Variants in TMEM242 observed in about 807,000 individuals in gnomAD.
The protein encoded by TMEM242 is UPF0463 transmembrane protein C6orf35.
In TMEM242, 10 loss-of-function variants were observed where a neutral mutation model predicts 18.2. The observed-to-expected ratio is 0.55, with a 90% CI of 0.34 to 0.93. TMEM242 has a LOEUF of 0.93. Among genes scored for constraint, TMEM242 ranks in the 40% least tolerant of loss-of-function variants. The probability of loss-of-function intolerance (pLI) is 0.02; values close to 1 mark genes in which losing one functional copy is unlikely to be tolerated. For missense variants in TMEM242, 186 were observed against 175.5 expected, an observed-to-expected ratio of 1.06 and a Z score of -0.34; for synonymous variants, 57 against 69.9, an observed-to-expected ratio of 0.81 and a Z score of 0.92.
intron 3 of TMEM242, among the ~76,000 whole-genome samples, chr6:157,294,905 T>G (rs587599461): frequency 6.6e-6 from 1 of 152,180 alleles, no homozygotes; most frequent in Non-Finnish European, 1.5e-5. Context: ...TTTCCACATA[T>G]GTAGAATGGA....
intron 3 of TMEM242, among the ~76,000 whole-genome samples, chr6:157,297,209 C>A (rs1412889683): frequency 6.6e-6 from 1 of 152,190 alleles, no homozygotes; most frequent in East Asian, 1.9e-4. Flanking sequence ...GTGCTCAGTG[C>A]CATGGCTGGT....
At chr6:157,313,342 C>G (rs1583571570) in intron 3 of TMEM242, among the ~76,000 whole-genome samples, 2 of 151,632 alleles carry the variant, frequency 1.3e-5, no homozygotes, top group African/African-American at 2.4e-5. Flanking sequence ...ATCATAGTGC[C>G]CCAGTGTGCG....
At chr6:157,312,914 A>ACGTAG (rs1554249512) in intron 3 of TMEM242, among the ~76,000 whole-genome samples, 1 of 152,104 alleles carries the variant, frequency 6.6e-6, no homozygotes, top group East Asian at 1.9e-4. Flanking sequence ...CTGTGCGCTC[A>ACGTAG]CCCGGCATCA....
At position 157,323,375 on chromosome 6, in the gene TMEM242, C is replaced by T. The variant is rs1554250860; in HGVS notation, c.88+37G>A. 2.5e-6 allele frequency: 4 copies of T among 1,601,148 alleles called. No homozygotes were observed. In the African/African-American group the frequency reaches 5.4e-5, roughly 21 times the overall value. On this transcript the variant is annotated intron_variant, in intron 1 of 3. Transcript: ENST00000400788. ...AGCAAGCCAGGGTCCGGGGTTAACT[C>T]ACCCCGACGCCCGCACCTCACCACA...
chr6:157,313,111 TGTGCTCA>T (rs1778244641), intron 3 of TMEM242, among the ~76,000 whole-genome samples: 1 of 118,114 alleles, frequency 8.5e-6, no homozygotes, highest in African/African-American at 3.3e-5. Context: ...TGTCCCAGTG[TGTGCTCA>T]CCCGGCCTCA....
intron 3 of TMEM242, among the ~76,000 whole-genome samples, chr6:157,312,698 C>T (rs797037965): frequency 1.2e-5 from 1 of 83,468 alleles, no homozygotes. Flanking sequence ...CATAGTGTCC[C>T]AGTGTGCGCT....
At position 157,318,811 on chromosome 6, in the gene TMEM242, C is replaced by G; in HGVS notation, c.298G>C (p.Ala100Pro). ...TGAACTCCTAAAGCTTTCCAGACTG[C>G]GAAGCTAATCACACCAACCCCACAC... ...AWCGVGVISFAVWKALGVHSM... is the reference protein window; with the variant it reads ...AWCGVGVISFPVWKALGVHSM... Residue 100 changes from alanine to proline, a missense_variant, in exon 3 of 4, where the codon GCA (alanine) becomes CCA (proline). Coordinates refer to ENST00000400788, the MANE Select transcript of TMEM242 (RefSeq NM_018452.6). 6.2e-7 allele frequency: 1 copy of G among 1,614,012 alleles called. No individual in the cohort carries two copies. The highest frequency in any genetic ancestry group is 2.2e-5 in the East Asian group (1 of 44,882).
chr6:157,303,894 C>G (rs587636415), intron 3 of TMEM242, among the ~76,000 whole-genome samples: 4 of 152,060 alleles, frequency 2.6e-5, no homozygotes, highest in South Asian at 4.2e-4. Flanking sequence ...GTCAGCAACA[C>G]TGGGAAAACT....
chr6:157,296,527 A>G (rs1359317886), intron 3 of TMEM242, among the ~76,000 whole-genome samples: 1 of 152,220 alleles, frequency 6.6e-6, no homozygotes, highest in Non-Finnish European at 1.5e-5. Context: ...TACTAAAAAT[A>G]CAAAAATTAG....
chr6:157,307,259 G>A (rs1777928093), intron 3 of TMEM242, among the ~76,000 whole-genome samples: 1 of 152,158 alleles, frequency 6.6e-6, no homozygotes, highest in Non-Finnish European at 1.5e-5. Context: ...AATCTAGGCT[G>A]CCTTCCTCCT....
rs1367664548 is a variant in TMEM242, at chr6:157,289,442, A to G, written c.*3459T>C. 6.6e-6 allele frequency: 1 copy of G among 152,236 alleles called. No homozygotes were observed. The highest frequency in any genetic ancestry group is 1.5e-5 in the Non-Finnish European group (1 of 68,034). 9.4% of individuals were successfully genotyped at this position (152,236 alleles called of 1,614,324 possible). On this transcript the variant is annotated 3_prime_UTR_variant, in exon 4 of 4. Coordinates refer to ENST00000400788, the MANE Select transcript of TMEM242 (RefSeq NM_018452.6). ...GAAAGCAAAAACACTTCACTTGAAC[A>G]TGGTATTATAAAAATATGTATTTTA...
Position 157,305,062 on chromosome 6 carries a change from T to G in TMEM242, c.328-12063A>C, listed in dbSNP as rs967954394. ...TCTTCAACAGGAAGCCACTGAAGGG[T>G]TTTAAATAAGGAAGTAGCATGATCT... On this transcript the variant is annotated intron_variant, in intron 3 of 3. Transcript: ENST00000400788. This position sits in a 1 kb window ranked among gnomAD's most constrained non-coding sequence, Gnocchi z 4.1. 2.0e-5 allele frequency among the ~76,000 whole-genome samples: 3 copies of G among 151,902 alleles called. No homozygotes were observed. Among genetic ancestry groups the G allele is most frequent in the Non-Finnish European group, 4.4e-5 (3 of 67,988 alleles).
At chr6:157,297,150 A>T (rs1554247225) in intron 3 of TMEM242, among the ~76,000 whole-genome samples, 1 of 152,170 alleles carries the variant, frequency 6.6e-6, no homozygotes, top group African/African-American at 2.4e-5. Flanking sequence ...GGCAAATATC[A>T]TCCCTCCTTT....
At chr6:157,320,870 C>A (rs1276821277) in intron 2 of TMEM242, among the ~76,000 whole-genome samples, 1 of 152,118 alleles carries the variant, frequency 6.6e-6, no homozygotes, top group Non-Finnish European at 1.5e-5. Context: ...GCCAAATATT[C>A]TTTCAAGTAA....
At position 157,306,674 on chromosome 6, in the gene TMEM242, A is replaced by G. The variant is rs1583559990; in HGVS notation, c.327+12108T>C. The stretch of plus-strand genomic sequence containing the variant: ...GAAGGAGAAGAGATGAGGGGAGGAA[A>G]AAAAGCACCTTAAGCATAACTGGGT... On this transcript the variant is annotated intron_variant, in intron 3 of 3. Coordinates refer to ENST00000400788, the MANE Select transcript of TMEM242 (RefSeq NM_018452.6). Among the ~76,000 whole-genome samples, 3 of 152,312 alleles carry G rather than the reference A, an allele frequency of 2.0e-5. No individual in the cohort carries two copies. The South Asian group carries it at 6.2e-4, about 32-fold the overall frequency.
At chr6:157,313,153 C>T (rs1239780247) in intron 3 of TMEM242, among the ~76,000 whole-genome samples, 10 of 133,826 alleles carry the variant, frequency 7.5e-5, no homozygotes, top group East Asian at 4.3e-4. Context: ...TGTGCGCTCA[C>T]CTGGCCTCAT....
chr6:157,306,740 G>A (rs1243898512), intron 3 of TMEM242, among the ~76,000 whole-genome samples: 4 of 152,118 alleles, frequency 2.6e-5, no homozygotes, highest in African/African-American at 4.8e-5. Context: ...TGGGACAGTC[G>A]GAAGTTACAA....
rs189850834 is a variant in TMEM242 at position 157,317,616 on chromosome 6, T to A, written c.327+1166A>T. Among the ~76,000 whole-genome samples, 112 of 152,266 alleles carry A rather than the reference T, an allele frequency of 7.4e-4. 2 individuals carry two copies. Among genetic ancestry groups the A allele is most frequent in the Non-Finnish European group, 1.5e-5 (1 of 68,024 alleles). On this transcript the variant is annotated intron_variant, in intron 3 of 3. Coordinates refer to ENST00000400788, the MANE Select transcript of TMEM242 (RefSeq NM_018452.6). ...TCAAATTCAAATCTTCACCTTGTAC[T>A]TCTCCCCTAACTCTCAACTTCTATA...
intron 3 of TMEM242, among the ~76,000 whole-genome samples, chr6:157,317,154 C>T (rs1371862517): frequency 6.6e-6 from 1 of 152,128 alleles, no homozygotes; most frequent in Non-Finnish European, 1.5e-5. Context: ...TCTCTTGATC[C>T]CATTCTTTTT....
Sources: allele counts gnomAD v4.1 joint callset (sites outside exome capture counted in the v4.1 genomes callset), GRCh38; gene constraint gnomAD v4.1.1; non-coding constraint Gnocchi (gnomAD v3.1); transcripts MANE v1.5; gene names NCBI Gene and HGNC (gene_info 2026-07-23, HGNC 2026-07-21).